Variants in ADGRL3 observed in about 807,000 individuals in gnomAD.
ADGRL3 encodes the protein adhesion G protein-coupled receptor L3.
In ADGRL3, 62 loss-of-function variants were observed where a neutral mutation model predicts 153.5. The ratio of observed to expected loss-of-function variants is 0.40; its 90% CI spans 0.33 to 0.50. The LOEUF is 0.50. ADGRL3 is among the 20% of genes least tolerant of loss of function. The probability of loss-of-function intolerance (pLI) is 0.47; values close to 1 mark genes in which losing one functional copy is unlikely to be tolerated. For synonymous variants in ADGRL3, 710 were observed against 672.5 expected, an observed-to-expected ratio of 1.06 and a Z score of -0.86; for missense variants, 1,641 against 1,859.4, an observed-to-expected ratio of 0.88 and a Z score of 2.16.
chr4:61,553,423 C>T (rs571113913), intron 4 of ADGRL3, among the ~76,000 whole-genome samples: 11 of 152,110 alleles, frequency 7.2e-5, no homozygotes, highest in South Asian at 4.1e-4. Flanking sequence ...TTCTTGAGTT[C>T]GATAAAATAA....
intron 1 of ADGRL3, among the ~76,000 whole-genome samples, chr4:61,266,210 G>A (rs1052686278): frequency 6.6e-6 from 1 of 151,650 alleles, no homozygotes; most frequent in African/African-American, 2.4e-5. Flanking sequence ...TATATCCTAA[G>A]GGTCCGTATT....
chr4:61,266,558 A>T (rs1161761135), intron 1 of ADGRL3, among the ~76,000 whole-genome samples: 1 of 151,808 alleles, frequency 6.6e-6, no homozygotes, highest in Non-Finnish European at 1.5e-5. Context: ...TAGATAGGAA[A>T]TGTTCTGCAG....
At chr4:62,066,800 C>G (rs1743208954) in intron 25 of ADGRL3, among the ~76,000 whole-genome samples, 1 of 151,988 alleles carries the variant, frequency 6.6e-6, no homozygotes, top group Admixed American at 6.6e-5. Flanking sequence ...TTTTCAAAGC[C>G]TAAGGCAGAT....
At chr4:61,717,640 T>C (rs2096148007) in intron 6 of ADGRL3, among the ~76,000 whole-genome samples, 2 of 152,202 alleles carry the variant, frequency 1.3e-5, no homozygotes, top group Non-Finnish European at 2.9e-5. Context: ...CTATTGTTTC[T>C]ATAAATTCTT....
At chr4:61,777,795 T>C (rs556499447) in intron 8 of ADGRL3, among the ~76,000 whole-genome samples, 4 of 152,276 alleles carry the variant, frequency 2.6e-5, no homozygotes, top group Non-Finnish European at 5.9e-5. Flanking sequence ...AAGAAAAAAA[T>C]GCAGTTCTTA....
At chr4:61,965,145 C>A (rs1388967483) in intron 17 of ADGRL3, among the ~76,000 whole-genome samples, 2 of 151,942 alleles carry the variant, frequency 1.3e-5, no homozygotes, top group East Asian at 3.9e-4. Flanking sequence ...CTATAAGCAC[C>A]CACCACCATG....
rs753107616 is a variant in ADGRL3, at chr4:61,813,770, C to T, written c.1400-39C>T. ...ACAATTTAAAAAGGGAAAAGACATA[C>T]GTATGATGTCTTCTTAACAATTTGT... is the stretch of plus-strand genomic sequence containing the variant. On this transcript the variant is annotated intron_variant, in intron 8 of 26. Coordinates refer to ENST00000683033, the MANE Select transcript of ADGRL3 (RefSeq NM_001387552.1). The T allele has an allele frequency of 1.6e-5, 25 of 1,602,378 alleles. No homozygotes were observed. In the East Asian group the frequency reaches 3.1e-4, roughly 20 times the overall value.
chr4:61,597,878 A>C (rs547257490), intron 5 of ADGRL3, among the ~76,000 whole-genome samples: 1 of 152,168 alleles, frequency 6.6e-6, no homozygotes, highest in Admixed American at 6.5e-5. Flanking sequence ...TTGGCATAAA[A>C]ATACCTATGG....
intron 5 of ADGRL3, among the ~76,000 whole-genome samples, chr4:61,614,549 G>A (rs2091775391): frequency 6.6e-6 from 1 of 151,996 alleles, no homozygotes; most frequent in Non-Finnish European, 1.5e-5. Flanking sequence ...GCAACTTTTA[G>A]CATAGTAATC....
rs189990405 is a variant in ADGRL3 at position 61,431,677 on chromosome 4, G to C, written c.-174+48488G>C. On this transcript the variant is annotated intron_variant, in intron 2 of 26. Coordinates refer to ENST00000683033, the MANE Select transcript of ADGRL3 (RefSeq NM_001387552.1). The stretch of plus-strand genomic sequence containing the variant: ...AATTATTGGGATAGAAGGAAAGCAA[G>C]AACATTTTAAGAGGCGGACTAGTAT... Among the ~76,000 whole-genome samples the C allele has an allele frequency of 5.9e-5, 9 of 152,276 alleles. No individual in the cohort carries two copies. The East Asian group carries it at 1.5e-3, about 26-fold the overall frequency.
intron 5 of ADGRL3, among the ~76,000 whole-genome samples, chr4:61,661,268 T>A (rs1461692381): frequency 2.6e-5 from 4 of 152,236 alleles, no homozygotes; most frequent in Non-Finnish European, 5.9e-5. Context: ...TGCATTTTTT[T>A]AATATGCATA....
At chr4:61,832,355 G>A (rs184950312) in intron 9 of ADGRL3, among the ~76,000 whole-genome samples, 3 of 152,324 alleles carry the variant, frequency 2.0e-5, no homozygotes, top group African/African-American at 7.2e-5. Context: ...CAGGACAACA[G>A]ATGAAAGTCA....
chr4:61,869,710 G>A (rs1295853616), intron 9 of ADGRL3, among the ~76,000 whole-genome samples: 1 of 151,648 alleles, frequency 6.6e-6, no homozygotes, highest in Non-Finnish European at 1.5e-5. Context: ...AGGCTGAGGC[G>A]GGCGGATCAC....
At chr4:61,850,164 G>A (rs1002316553) in intron 9 of ADGRL3, among the ~76,000 whole-genome samples, 4 of 152,022 alleles carry the variant, frequency 2.6e-5, no homozygotes, top group African/African-American at 9.7e-5. Flanking sequence ...TATTTACTGA[G>A]CACATACCAT....
intron 13 of ADGRL3, among the ~76,000 whole-genome samples, chr4:61,932,987 A>G (rs182137009): frequency 1.3e-5 from 2 of 151,980 alleles, no homozygotes; most frequent in Non-Finnish European, 1.5e-5. Flanking sequence ...TTTTTAAATT[A>G]TGAAAATAAA....
chr4:61,763,761 T>A (rs2096940478), intron 8 of ADGRL3, among the ~76,000 whole-genome samples: 1 of 152,164 alleles, frequency 6.6e-6, no homozygotes, highest in Admixed American at 6.5e-5. Flanking sequence ...CATATATATA[T>A]AATTTAGCAT....
chr4:62,021,308 A>C (rs577046174), intron 21 of ADGRL3, among the ~76,000 whole-genome samples: 1 of 152,114 alleles, frequency 6.6e-6, no homozygotes, highest in Non-Finnish European at 1.5e-5. Context: ...ATGTATCCCC[A>C]CTTCACAGAA....
chr4:61,262,262 G>T (rs181350157), intron 1 of ADGRL3, among the ~76,000 whole-genome samples: 1 of 152,112 alleles, frequency 6.6e-6, no homozygotes, highest in Admixed American at 6.5e-5. Flanking sequence ...GTGTTATTTT[G>T]TAGTAAAGGT....
At chr4:61,709,348 T>C (rs532468985) in intron 6 of ADGRL3, among the ~76,000 whole-genome samples, 1 of 152,332 alleles carries the variant, frequency 6.6e-6, no homozygotes, top group Non-Finnish European at 1.5e-5. Flanking sequence ...TGAGTATAAG[T>C]CATTTCCTTA....
Sources: allele counts gnomAD v4.1 joint callset (sites outside exome capture counted in the v4.1 genomes callset), GRCh38; gene constraint gnomAD v4.1.1; transcripts MANE v1.5; gene names NCBI Gene and HGNC (gene_info 2026-07-23, HGNC 2026-07-21).